Variants in MS4A4E observed in about 807,000 individuals in gnomAD.
MS4A4E encodes membrane spanning 4-domains A4E.
A neutral mutation model predicts 13.3 loss-of-function variants in MS4A4E; 23 were observed. The ratio of observed to expected loss-of-function variants is 1.73; its 90% CI spans 1.25 to 2.45. The LOEUF (loss-of-function observed/expected upper bound fraction) is 2.45, where lower values mean the gene tolerates loss of function less well. MS4A4E is among the 30% of genes most tolerant of loss of function. The pLI, the probability that MS4A4E is intolerant of heterozygous loss-of-function variation, is 0.00. For missense variants in MS4A4E, 144 were observed against 131.2 expected (o/e 1.10, Z -0.48); for synonymous variants, 36 against 45.6 (o/e 0.79, Z 0.85).
intron 3 of MS4A4E, among the ~76,000 whole-genome samples, chr11:60,217,685 A>G (rs970554668): frequency 6.6e-6 from 1 of 152,202 alleles, no homozygotes; most frequent in Non-Finnish European, 1.5e-5. Flanking sequence ...CTTTACTGCA[A>G]TCTCTAAACA....
At chr11:60,229,822 G>C (rs1190831276) in intron 2 of MS4A4E, 90 bp downstream of exon 2, 2 of 1,329,498 alleles carry the variant, frequency 1.5e-6, no homozygotes, top group Non-Finnish European at 2.0e-6. Context: ...TGTATTATGA[G>C]GCTAGCGGGA....
intron 3 of MS4A4E, among the ~76,000 whole-genome samples, chr11:60,221,171 A>T (rs2134946203): frequency 6.6e-6 from 1 of 152,282 alleles, no homozygotes; most frequent in Non-Finnish European, 1.5e-5. Context: ...CTTTGGTAGA[A>T]ACTAAACGGT....
intron 1 of MS4A4E, among the ~76,000 whole-genome samples, chr11:60,230,967 T>G (rs2084403644): frequency 2.6e-5 from 4 of 152,168 alleles, no homozygotes. Flanking sequence ...TGTGTGCCCT[T>G]TTATTGGTAA....
At chr11:60,203,691 T>C (rs967587075) in intron 8 of MS4A4E, among the ~76,000 whole-genome samples, 2 of 152,132 alleles carry the variant, frequency 1.3e-5, no homozygotes, top group Admixed American at 6.5e-5. Context: ...GGAGGTTGCA[T>C]TGAGCCAAGA....
chr11:60,207,281 C>G (rs2084060231), intron 6 of MS4A4E, among the ~76,000 whole-genome samples: 1 of 152,208 alleles, frequency 6.6e-6, no homozygotes, highest in South Asian at 2.1e-4. Flanking sequence ...CCCAAAGCCA[C>G]TGCTTTTCTG....
intron 5 of MS4A4E, chr11:60,208,978 A>C (rs1435512707): frequency 2.2e-5 from 4 of 179,822 alleles, no homozygotes; most frequent in African/African-American, 9.3e-5. Flanking sequence ...AAGGTAGTAT[A>C]AAGATAATTG....
chr11:60,229,993 C>A lies in MS4A4E; in HGVS notation c.63G>T (p.Leu21=). Residue 21 remains leucine, a synonymous_variant, in exon 2 of 9, where the codon CTG becomes CTT. Transcript: ENST00000651255. ...ATGAATGTATGACATCTATGTTTCCCAGCTGGGGCACATCAGGGCCAGCCC... is the reference window on the plus strand; with the variant it reads ...ATGAATGTATGACATCTATGTTTCCAAGCTGGGGCACATCAGGGCCAGCCC... ...TPGAGPDVPQ[L]GNIDVIHSYL... is the part of the protein sequence containing the mutation. 6.2e-7 allele frequency: 1 copy of A among 1,613,522 alleles called. No homozygotes were observed. The highest frequency in any genetic ancestry group is 1.1e-5 in the South Asian group (1 of 90,956).
intron 3 of MS4A4E, among the ~76,000 whole-genome samples, chr11:60,217,225 C>CA (rs756331220): frequency 7.9e-5 from 12 of 152,166 alleles, no homozygotes; most frequent in Admixed American, 3.9e-4. Context: ...TGTGGACACT[C>CA]AGACACAAGC....
chr11:60,242,720 C>A (rs993433695), intron 1 of MS4A4E, among the ~76,000 whole-genome samples: 5 of 152,186 alleles, frequency 3.3e-5, no homozygotes, highest in Non-Finnish European at 5.9e-5. Context: ...CAGTGTCAGC[C>A]TTTAGGAGGC....
chr11:60,238,564 T>C (rs1039977105), intron 1 of MS4A4E, among the ~76,000 whole-genome samples: 7 of 152,164 alleles, frequency 4.6e-5, no homozygotes, highest in Admixed American at 2.6e-4. Flanking sequence ...ATTTTTGTCA[T>C]TCAATATAGC....
In MS4A4E at chr11:60,201,672, CA is replaced by C. The variant is rs906849031; in HGVS notation, c.866del (p.Leu289ArgfsTer33). 112 of 275,798 alleles carry C rather than the reference CA, an allele frequency of 4.1e-4. No individual in the cohort carries two copies. The highest frequency in any genetic ancestry group is 2.5e-3 in the African/African-American group (104 of 42,418). The allele number at this position is 275,798 out of a possible 1,614,324, so 17.1% of individuals were successfully genotyped here. A position where few individuals can be genotyped will look rare whatever the true frequency, so the allele number is the denominator to read the frequency against. On this transcript the variant is annotated frameshift_variant, in exon 9 of 9. Coordinates refer to ENST00000651255, the MANE Select transcript of MS4A4E (RefSeq NM_001393391.1). LOFTEE classifies it high-confidence loss of function. ...VWDVRSPSAW[L>X]PSLESEERLC... ...GACGCTCCTCACTTTCCAGACTGGG[CA>C]GCCAGGCAGAGGGGCTCCTCACGTC... is the stretch of plus-strand genomic sequence containing the variant.
chr11:60,223,954 C>G (rs1044861985), intron 3 of MS4A4E, among the ~76,000 whole-genome samples: 4 of 152,118 alleles, frequency 2.6e-5, no homozygotes, highest in Non-Finnish European at 4.4e-5. Flanking sequence ...GACTAATACA[C>G]TCTCCTTCAA....
intron 1 of MS4A4E, among the ~76,000 whole-genome samples, chr11:60,237,312 T>C (rs1590731298): frequency 6.6e-6 from 1 of 152,258 alleles, no homozygotes. Flanking sequence ...CATTTCATGG[T>C]GTATATATAC....
intron 3 of MS4A4E, among the ~76,000 whole-genome samples, chr11:60,216,881 T>C (rs1156474330): frequency 6.6e-6 from 1 of 152,100 alleles, no homozygotes; most frequent in Admixed American, 6.6e-5. Context: ...CTAGACTCAT[T>C]TAGTCTTCTG....
At chr11:60,224,963 A>G (rs201542653) in intron 3 of MS4A4E, 29 of 1,513,068 alleles carry the variant, frequency 1.9e-5, no homozygotes, top group Non-Finnish European at 2.5e-5. Context: ...TACCCTGCTT[A>G]CCATCACTGA....
chr11:60,232,065 A>G (rs74679075), intron 1 of MS4A4E, among the ~76,000 whole-genome samples: 2,397 of 152,292 alleles, frequency 0.016, 65 homozygotes, highest in African/African-American at 0.054. Context: ...AATTTTGCCA[A>G]TGTGTTAAAT....
At chr11:60,232,527 G>T (rs1013337559) in intron 1 of MS4A4E, among the ~76,000 whole-genome samples, 2 of 152,106 alleles carry the variant, frequency 1.3e-5, no homozygotes, top group African/African-American at 4.8e-5. Context: ...CAGGGAAAAG[G>T]TTAGTGACAG....
intron 6 of MS4A4E, among the ~76,000 whole-genome samples, chr11:60,206,512 T>TATGTATATATAC (rs141037502): frequency 1.0e-5 from 1 of 98,346 alleles, no homozygotes; most frequent in Non-Finnish European, 1.9e-5. Flanking sequence ...TATATATATA[T>TATGTATATATAC]ACACACACAC....
At chr11:60,218,330 C>G (rs2084223347) in intron 3 of MS4A4E, among the ~76,000 whole-genome samples, 1 of 152,172 alleles carries the variant, frequency 6.6e-6, no homozygotes, top group African/African-American at 2.4e-5. Flanking sequence ...TGATCTCGCC[C>G]TGCCTCCACT....
Sources: allele counts gnomAD v4.1 joint callset (sites outside exome capture counted in the v4.1 genomes callset), GRCh38; gene constraint gnomAD v4.1.1; transcripts MANE v1.5; gene names NCBI Gene and HGNC (gene_info 2026-07-23, HGNC 2026-07-21).